The following NBAS variants were observed in gnomAD, a reference collection of about 807,000 sequenced individuals.
NBAS encodes the protein NBAS subunit of NRZ tethering complex, also known as NAG/BC035112 fusion.
Under a neutral mutation model 302.5 loss-of-function variants are expected in NBAS, and 219 were observed. The observed-to-expected ratio is 0.72, with a 90% CI of 0.65 to 0.81. The LOEUF (loss-of-function observed/expected upper bound fraction) is 0.81, where lower values mean the gene tolerates loss of function less well. NBAS is among the 30% of genes least tolerant of loss of function. The probability of loss-of-function intolerance (pLI) is 0.00; values close to 1 mark genes in which losing one functional copy is unlikely to be tolerated. For synonymous variants in NBAS, 1,118 were observed against 1,021.6 expected (o/e 1.09, Z -1.80); for missense variants, 2,932 against 2,841.6 (o/e 1.03, Z -0.72).
chr2:14,944,736 G>GAA, the NBAS span, among the ~76,000 whole-genome samples: 1 of 141,408 alleles, frequency 7.1e-6, no homozygotes, highest in Non-Finnish European at 1.6e-5. Flanking sequence ...AAAAGTGAAA[G>GAA]AAAAAAAAAA....
the NBAS span, among the ~76,000 whole-genome samples, chr2:15,066,302 T>C: frequency 1.3e-5 from 2 of 152,210 alleles, no homozygotes; most frequent in African/African-American, 2.4e-5. Flanking sequence ...ATGACATTGA[T>C]CTCGGCAATT....
chr2:14,997,977 C>T, the NBAS span, among the ~76,000 whole-genome samples: 31 of 152,076 alleles, frequency 2.0e-4, no homozygotes, highest in Middle Eastern at 3.2e-3. Context: ...CTGTTCCTTT[C>T]TCCTCGCTTT....
rs764081093 is a variant in NBAS, at chr2:15,238,471, C to T, written c.5940G>A (p.Glu1980=). ...HSFILSLKNS[E]QETLQKYSHL... Reference sequence around the variant, plus strand: ...ATAGAAGTTCCCATTTCTTTACCTGCTCACTATTCTTCAGAGAAAGGATGA... The same window carrying T: ...ATAGAAGTTCCCATTTCTTTACCTGTTCACTATTCTTCAGAGAAAGGATGA... Residue 1980 remains glutamate (E), a synonymous_variant, in exon 45 of 52, where the codon GAG becomes GAA. Transcript: ENST00000281513. 39 of 1,613,926 alleles carry T rather than the reference C, an allele frequency of 2.4e-5. No homozygotes were observed. The highest frequency in any genetic ancestry group is 3.3e-5 in the Non-Finnish European group (39 of 1,179,812).
the NBAS span, among the ~76,000 whole-genome samples, chr2:14,862,142 AT>A: frequency 0.24 from 35,266 of 144,468 alleles, 7,116 homozygotes; most frequent in African/African-American, 0.56. Flanking sequence ...TTATTTAAGC[AT>A]TTTTTTTTTT....
intron 7 of NBAS, chr2:15,538,237 T>A (rs887836719): frequency 2.9e-5 from 7 of 244,788 alleles, no homozygotes; most frequent in African/African-American, 1.6e-4. Context: ...AAAATTACAT[T>A]TGAGCACACA....
intron 21 of NBAS, among the ~76,000 whole-genome samples, chr2:15,433,719 C>T (rs147984127): frequency 6.6e-6 from 1 of 152,212 alleles, no homozygotes; most frequent in East Asian, 1.9e-4. Flanking sequence ...GAGCAAAGGA[C>T]AATTTGATTA....
At chr2:15,522,522 C>G (rs963149811) in intron 9 of NBAS, among the ~76,000 whole-genome samples, 4 of 152,208 alleles carry the variant, frequency 2.6e-5, no homozygotes, top group African/African-American at 9.6e-5. Context: ...GCTCTGTGGC[C>G]TAGGAGTAAC....
At chr2:14,973,338 T>G in the NBAS span, among the ~76,000 whole-genome samples, 341 of 152,360 alleles carry the variant, frequency 2.2e-3, no homozygotes, top group African/African-American at 8.0e-3. Context: ...TTTTGAATTA[T>G]GGTTTATAAA....
the NBAS span, among the ~76,000 whole-genome samples, chr2:15,120,600 C>T: frequency 6.6e-6 from 1 of 152,122 alleles, no homozygotes; most frequent in Non-Finnish European, 1.5e-5. Context: ...GGATTTGAAC[C>T]CCAGTCATTT....
intron 10 of NBAS, among the ~76,000 whole-genome samples, chr2:15,510,643 A>C (rs1662093379): frequency 6.6e-6 from 1 of 152,240 alleles, no homozygotes; most frequent in Non-Finnish European, 1.5e-5. Context: ...AGCCCCAAGG[A>C]CTGCCTGACA....
At chr2:15,161,028 A>T in the NBAS span, among the ~76,000 whole-genome samples, 1 of 152,176 alleles carries the variant, frequency 6.6e-6, no homozygotes, top group East Asian at 1.9e-4. Flanking sequence ...ATCCAAGTTC[A>T]TGGTCATGGA....
intron 40 of NBAS, among the ~76,000 whole-genome samples, chr2:15,304,270 T>TTC (rs1263058806): frequency 6.6e-6 from 1 of 152,130 alleles, no homozygotes; most frequent in African/African-American, 2.4e-5. Context: ...TCAGCACTTC[T>TTC]TCCTGCTGCC....
chr2:14,921,912 TC>T, the NBAS span, among the ~76,000 whole-genome samples: 1 of 152,112 alleles, frequency 6.6e-6, no homozygotes. Context: ...GCAAAATCCA[TC>T]CCCACACCCT....
chr2:15,169,766 C>G (rs560888085), intron 51 of NBAS, among the ~76,000 whole-genome samples: 2 of 152,212 alleles, frequency 1.3e-5, no homozygotes, highest in Non-Finnish European at 2.9e-5. Context: ...AGGAGCTGAG[C>G]AAGATTTGTG....
the NBAS span, among the ~76,000 whole-genome samples, chr2:14,870,117 T>C: frequency 6.6e-6 from 1 of 152,184 alleles, no homozygotes; most frequent in East Asian, 1.9e-4. Flanking sequence ...AGTATATCAA[T>C]GATCCCTATA....
chr2:15,471,639 C>T (rs1679959938), intron 16 of NBAS, among the ~76,000 whole-genome samples: 1 of 151,560 alleles, frequency 6.6e-6, no homozygotes, highest in Admixed American at 6.6e-5. Context: ...AATATGTCCC[C>T]CAAAATCCAT....
the NBAS span, among the ~76,000 whole-genome samples, chr2:15,092,988 G>C: frequency 6.6e-6 from 1 of 152,162 alleles, no homozygotes; most frequent in Admixed American, 6.5e-5. Context: ...GTTCCTGGGG[G>C]TTAAAGTTAC....
chr2:14,976,039 T>C, the NBAS span, among the ~76,000 whole-genome samples: 1 of 152,114 alleles, frequency 6.6e-6, no homozygotes, highest in African/African-American at 2.4e-5. Flanking sequence ...CATTGAACAA[T>C]AAACAGCACT....
At chr2:15,049,348 C>T in the NBAS span, among the ~76,000 whole-genome samples, 4 of 152,196 alleles carry the variant, frequency 2.6e-5, no homozygotes, top group Non-Finnish European at 4.4e-5. Context: ...TGGGCTGCCT[C>T]CTCTCATTTG....
Sources: gnomAD v4.1 joint callset for allele counts (sites outside exome capture counted in the v4.1 genomes callset) on GRCh38, gnomAD v4.1.1 for gene constraint, MANE v1.5 for transcripts, NCBI Gene and HGNC (gene_info 2026-07-23, HGNC 2026-07-21) for gene names.